The following GAPVD1 variants were observed in gnomAD, a reference collection of about 807,000 sequenced individuals.
GAPVD1 encodes the protein GTPase activating protein and VPS9 domains 1.
A neutral mutation model predicts 155.5 loss-of-function variants in GAPVD1; 35 were observed. The observed-to-expected ratio is 0.23, with a 90% confidence interval of 0.17 to 0.30. GAPVD1 has a LOEUF of 0.30. GAPVD1 is among the 10% of genes least tolerant of loss of function. GAPVD1 has a pLI of 1.00. For synonymous variants in GAPVD1, 636 were observed against 619.7 expected, an observed-to-expected ratio of 1.03 and a Z score of -0.39; for missense variants, 1,429 against 1,775.7, an observed-to-expected ratio of 0.80 and a Z score of 3.51.
In GAPVD1 at chr9:125,313,706, A is replaced by G. The variant is rs530716732; in HGVS notation, c.1602+1094A>G. The stretch of plus-strand genomic sequence containing the variant: ...AGCCTCTGCCTCCTGGGTTCAAGCA[A>G]TTCTCCTGCCTCAGCCTCCTGAGTT... On this transcript the variant is annotated intron_variant, in intron 9 of 27. Transcript: ENST00000297933. Among the ~76,000 whole-genome samples, 3 of 151,786 alleles carry G rather than the reference A, an allele frequency of 2.0e-5. No individual in the cohort carries two copies. The South Asian group carries it at 6.2e-4, about 32-fold the overall frequency.
chr9:125,307,984 GTCTTTC>G, intron 8 of GAPVD1, 104 bp downstream of exon 8: 1 of 797,182 alleles, frequency 1.3e-6, no homozygotes, highest in Non-Finnish European at 2.2e-6. Flanking sequence ...ACTTGGGAAA[GTCTTTC>G]TCTTCATGTT....
chr9:125,320,965 G>C (rs578234583), intron 9 of GAPVD1, among the ~76,000 whole-genome samples: 1 of 152,246 alleles, frequency 6.6e-6, no homozygotes, highest in East Asian at 1.9e-4. Context: ...AATTTAATAC[G>C]TGACATGACA....
In GAPVD1 at chr9:125,364,877, C is replaced by T. The variant is rs527693535; in HGVS notation, c.*2131C>T. ...TCAGTAAATGTTAAGCAGCAGAAGA[C>T]TTCGAATGGTTGAAATTCATTGTTA... On this transcript the variant is annotated 3_prime_UTR_variant, in exon 28 of 28. Coordinates refer to ENST00000297933, the MANE Select transcript of GAPVD1 (RefSeq NM_001282680.3). The T allele has an allele frequency of 2.0e-5, 3 of 152,708 alleles. No homozygotes were observed. Among genetic ancestry groups the T allele is most frequent in the African/African-American group, 7.2e-5 (3 of 41,542 alleles). 9.5% of individuals were successfully genotyped at this position (152,708 alleles called of 1,614,324 possible).
chr9:125,288,054 T>C (rs924182191), intron 2 of GAPVD1, among the ~76,000 whole-genome samples: 9 of 151,886 alleles, frequency 5.9e-5, no homozygotes, highest in African/African-American at 7.2e-5. Flanking sequence ...TTAAGTCTTA[T>C]ATGAAACTTC....
intron 9 of GAPVD1, among the ~76,000 whole-genome samples, chr9:125,320,582 A>G (rs1012351835): frequency 1.3e-5 from 2 of 152,150 alleles, no homozygotes; most frequent in East Asian, 3.8e-4. Context: ...AATTTTATTT[A>G]AATTTTGCAA....
At chr9:125,319,838 A>G (rs1276967285) in intron 9 of GAPVD1, among the ~76,000 whole-genome samples, 3 of 152,058 alleles carry the variant, frequency 2.0e-5, no homozygotes, top group Non-Finnish European at 2.9e-5. Flanking sequence ...CAGGTGATCC[A>G]CCGGCCTTGA....
chr9:125,332,394 T>C lies in GAPVD1; in HGVS notation c.2309-116T>C, dbSNP rs1455417202. 3.9e-6 allele frequency: 3 copies of C among 767,764 alleles called. No individual in the cohort carries two copies. In the African/African-American group the frequency reaches 5.2e-5, roughly 13 times the overall value. 47.6% of individuals were successfully genotyped at this position (767,764 alleles called of 1,614,324 possible). A position where few individuals can be genotyped will look rare whatever the true frequency, so the allele number is the denominator to read the frequency against. On this transcript the variant is annotated intron_variant, in intron 14 of 27. Transcript: ENST00000297933. ...TAAAGGATATAATACTAAACTCACA[T>C]GTATAGAACTGGGACACAAAATTCG... is the stretch of plus-strand genomic sequence containing the variant.
intron 15 of GAPVD1, among the ~76,000 whole-genome samples, chr9:125,334,628 G>A (rs377598823): frequency 1.3e-4 from 20 of 152,072 alleles, no homozygotes; most frequent in African/African-American, 3.9e-4. Context: ...GGCCAGGTGC[G>A]TTGGCTCACA....
chr9:125,283,307 C>A (rs886111540), intron 2 of GAPVD1, among the ~76,000 whole-genome samples: 31 of 152,182 alleles, frequency 2.0e-4, no homozygotes, highest in African/African-American at 7.2e-4. Context: ...GATCCATCCA[C>A]CTCGGCCTCC....
intron 4 of GAPVD1, among the ~76,000 whole-genome samples, chr9:125,300,015 T>C (rs1183490491): frequency 5.4e-5 from 1 of 18,394 alleles, no homozygotes; most frequent in African/African-American, 2.0e-4. Flanking sequence ...TGAGACTCTG[T>C]CTCAAAAGAA....
intron 9 of GAPVD1, among the ~76,000 whole-genome samples, chr9:125,319,373 A>T (rs188792104): frequency 7.4e-4 from 110 of 148,376 alleles, no homozygotes; most frequent in African/African-American, 2.7e-3. Context: ...GTTCCATCTT[A>T]AAAAAATTTT....
At chr9:125,277,238 G>C (rs1835932946) in intron 2 of GAPVD1, among the ~76,000 whole-genome samples, 1 of 152,156 alleles carries the variant, frequency 6.6e-6, no homozygotes, top group African/African-American at 2.4e-5. Flanking sequence ...AAGTAATGGG[G>C]ATACCGGCAT....
At position 125,337,041 on chromosome 9, in the gene GAPVD1, C is replaced by A; in HGVS notation, c.2452C>A (p.Pro818Thr). ...AGGTGCCCACCAGCTGACCTCTCCT[C>A]CTTCTCAGTCAGAGTCTCTGCTGGC... ...THGAHQLTSP[P>T]SQSESLLAMF... Residue 818 changes from proline to threonine, a missense_variant, in exon 16 of 28, where the codon CCT (proline) becomes ACT (threonine). Physicochemically the swap from Pro to Thr is conservative, Grantham distance 38. This residue lies in a region of GAPVD1 where 699 missense variants were observed against 826.0 expected (regional missense o/e 0.85). Coordinates refer to ENST00000297933, the MANE Select transcript of GAPVD1 (RefSeq NM_001282680.3). The A allele has an allele frequency of 6.2e-7, 1 of 1,612,704 alleles. No homozygotes were observed. The highest frequency in any genetic ancestry group is 8.5e-7 in the Non-Finnish European group (1 of 1,178,688).
intron 5 of GAPVD1, among the ~76,000 whole-genome samples, chr9:125,303,219 A>G (rs1470164220): frequency 2.0e-4 from 31 of 151,892 alleles, no homozygotes; most frequent in Non-Finnish European, 4.4e-5. Flanking sequence ...TGGGGTTAAA[A>G]TTTAGGTCAG....
chr9:125,364,091 C>T lies in GAPVD1; in HGVS notation c.*1345C>T, dbSNP rs1780399709. The T allele has an allele frequency of 2.0e-5, 3 of 152,326 alleles. No homozygotes were observed. The highest frequency in any genetic ancestry group is 4.4e-5 in the Non-Finnish European group (3 of 68,018). 9.4% of individuals were successfully genotyped at this position (152,326 alleles called of 1,614,324 possible). On this transcript the variant is annotated 3_prime_UTR_variant, in exon 28 of 28. Coordinates refer to ENST00000297933, the MANE Select transcript of GAPVD1 (RefSeq NM_001282680.3). The stretch of plus-strand genomic sequence containing the variant: ...AACAAACTCAGCCCCATACTTGAGT[C>T]CCTTGTTGTTGGGAGCATTTCCAGG...
intron 1 of GAPVD1, among the ~76,000 whole-genome samples, chr9:125,265,428 C>T (rs466614): frequency 0.6 from 91,022 of 151,350 alleles, 29,510 homozygotes; most frequent in African/African-American, 0.87. Flanking sequence ...GTTCTTCTTT[C>T]TGAGAGGGAG....
rs1347501115 is a variant in GAPVD1 at position 125,265,418 on chromosome 9, G to T, written c.-199+3459G>T. On this transcript the variant is annotated intron_variant, in intron 1 of 27. Coordinates refer to ENST00000297933, the MANE Select transcript of GAPVD1 (RefSeq NM_001282680.3). ...CACACCTGGCATTGTTTCTTTTTCT[G>T]TTCTTCTTTCTGAGAGGGAGTCTTA... Among the ~76,000 whole-genome samples, 3 of 151,456 alleles carry T rather than the reference G, an allele frequency of 2.0e-5. No homozygotes were observed. The South Asian group carries it at 6.3e-4, about 32-fold the overall frequency.
chr9:125,349,401 G>A lies in GAPVD1; in HGVS notation c.3181G>A (p.Asp1061Asn), dbSNP rs773020143. The change falls in exon 21 of 28, where the codon GAT becomes AAT. Residue 1061 changes from aspartate to asparagine, a missense_variant. Asp to Asn is a conservative substitution (Grantham distance 23). This residue lies in a region of GAPVD1 where 699 missense variants were observed against 826.0 expected (regional missense o/e 0.85). Coordinates refer to ENST00000297933, the MANE Select transcript of GAPVD1 (RefSeq NM_001282680.3). Reference protein sequence around the residue: ...ANYESTEVMGDGESAHDSPRD... With the variant: ...ANYESTEVMGNGESAHDSPRD... ...TGGGTTTTGTTTAGAGGTTATGGGT[G>A]ATGGTGAAAGTGCACATGATTCTCC... 13 of 1,613,894 alleles carry A rather than the reference G, an allele frequency of 8.1e-6. No homozygotes were observed. Among genetic ancestry groups the A allele is most frequent in the Admixed American group, 5.0e-5 (3 of 60,018 alleles).
intron 2 of GAPVD1, among the ~76,000 whole-genome samples, chr9:125,294,016 G>A (rs983634504): frequency 1.3e-5 from 2 of 149,302 alleles, no homozygotes; most frequent in South Asian, 2.1e-4. Context: ...GGCTTCAAGC[G>A]ATTCTTCTGC....
Sources: gnomAD v4.1 joint callset for allele counts (sites outside exome capture counted in the v4.1 genomes callset) on GRCh38, gnomAD v4.1.1 for gene constraint, gnomAD v4.1.1 regional missense constraint, MANE v1.5 for transcripts, NCBI Gene and HGNC (gene_info 2026-07-23, HGNC 2026-07-21) for gene names.